The following TXNDC8 variants were observed in gnomAD, a reference collection of about 807,000 sequenced individuals.
TXNDC8 encodes the protein thioredoxin domain-containing protein 8.
A neutral mutation model predicts 12.9 loss-of-function variants in TXNDC8; 15 were observed. That is an observed-to-expected ratio of 1.16 (90% CI 0.78 to 1.79). The LOEUF (loss-of-function observed/expected upper bound fraction) is 1.79. Ranked by LOEUF, TXNDC8 falls within the 40% of genes most tolerant of loss-of-function variation. The probability of loss-of-function intolerance (pLI) is 0.00; values close to 1 mark genes in which losing one functional copy is unlikely to be tolerated. For synonymous variants in TXNDC8, 40 were observed against 35.4 expected (o/e 1.13, Z -0.46); for missense variants, 128 against 113.2 (o/e 1.13, Z -0.59).
chr9:110,310,183 A>G (rs13302851), intron 3 of TXNDC8, among the ~76,000 whole-genome samples: 8,518 of 145,524 alleles, frequency 0.059, 301 homozygotes, highest in Middle Eastern at 0.091. Context: ...TTCCTAAGTT[A>G]TAGGATCTTT....
chr9:110,333,581 T>TAC (rs989276639), intron 2 of TXNDC8, among the ~76,000 whole-genome samples: 3 of 151,096 alleles, frequency 2.0e-5, no homozygotes, highest in Admixed American at 6.6e-5. Flanking sequence ...TTATCACACA[T>TAC]ACACACACAC....
chr9:110,330,112 C>T (rs758522186), intron 2 of TXNDC8, among the ~76,000 whole-genome samples: 87 of 152,326 alleles, frequency 5.7e-4, no homozygotes, highest in Admixed American at 4.5e-3. Context: ...CAGCTGTGTT[C>T]ATACCTTAAG....
chr9:110,318,665 G>A (rs578188036), intron 3 of TXNDC8, among the ~76,000 whole-genome samples: 43 of 152,184 alleles, frequency 2.8e-4, no homozygotes, highest in African/African-American at 9.6e-4. Context: ...GTGAAGCCGG[G>A]AGGCGGAGCT....
At chr9:110,308,172 G>A (rs1371282101) in intron 3 of TXNDC8, among the ~76,000 whole-genome samples, 1 of 152,150 alleles carries the variant, frequency 6.6e-6, no homozygotes, top group East Asian at 1.9e-4. Context: ...AATCTCCCAA[G>A]ATTTGGTCAA....
At chr9:110,327,327 T>TATA (rs71885386) in intron 2 of TXNDC8, among the ~76,000 whole-genome samples, 2 of 41,258 alleles carry the variant, frequency 4.8e-5, no homozygotes, top group East Asian at 1.1e-3. Context: ...ATACTATATA[T>TATA]TTTTTTTTTT....
chr9:110,304,197 A>G (rs1290737668), intron 4 of TXNDC8, among the ~76,000 whole-genome samples: 2 of 152,238 alleles, frequency 1.3e-5, no homozygotes, highest in Non-Finnish European at 2.9e-5. Flanking sequence ...GTTGAAGACA[A>G]GGAAGAGTGT....
chr9:110,305,730 CTGTT>C (rs10583405), intron 3 of TXNDC8, among the ~76,000 whole-genome samples: 23,803 of 129,740 alleles, frequency 0.18, 2,980 homozygotes, highest in East Asian at 0.44. Flanking sequence ...TCTTTCTTTC[CTGTT>C]TCTTTCTTCC....
intron 2 of TXNDC8, among the ~76,000 whole-genome samples, chr9:110,330,270 C>A (rs1019571250): frequency 6.6e-6 from 1 of 152,100 alleles, no homozygotes; most frequent in Non-Finnish European, 1.5e-5. Flanking sequence ...TTTGGAAAAA[C>A]CTATCATTAC....
chr9:110,336,037 G>T (rs949504769), intron 1 of TXNDC8, among the ~76,000 whole-genome samples: 2 of 152,122 alleles, frequency 1.3e-5, no homozygotes, highest in Non-Finnish European at 2.9e-5. Flanking sequence ...AATATCTGAC[G>T]GTTTTATAAA....
At chr9:110,329,349 C>A in intron 2 of TXNDC8, 58 bp from the exon 3 acceptor site, 1 of 1,349,038 alleles carries the variant, frequency 7.4e-7, no homozygotes, top group Non-Finnish European at 1.0e-6. Flanking sequence ...AAAATACACA[C>A]TGGAAGTGTC....
chr9:110,333,475 G>T (rs1326307671), intron 2 of TXNDC8, among the ~76,000 whole-genome samples: 2 of 152,132 alleles, frequency 1.3e-5, no homozygotes, highest in Non-Finnish European at 2.9e-5. Context: ...GTGTCAAAAA[G>T]GTTGGGGACC....
At chr9:110,308,837 T>C (rs1838555562) in intron 3 of TXNDC8, among the ~76,000 whole-genome samples, 1 of 152,210 alleles carries the variant, frequency 6.6e-6, no homozygotes, top group South Asian at 2.1e-4. Context: ...TCTGTTTTCT[T>C]TGTGGAGTTT....
At chr9:110,318,637 C>G (rs1384897682) in intron 3 of TXNDC8, among the ~76,000 whole-genome samples, 5 of 152,102 alleles carry the variant, frequency 3.3e-5, no homozygotes, top group African/African-American at 1.2e-4. Context: ...ACTTGGGAGG[C>G]TGAGGCAGGA....
intron 3 of TXNDC8, among the ~76,000 whole-genome samples, chr9:110,311,693 TATAC>T (rs1325656150): frequency 7.2e-6 from 1 of 139,214 alleles, no homozygotes; most frequent in African/African-American, 2.6e-5. Flanking sequence ...TATATATATA[TATAC>T]ATGGATATAC....
At chr9:110,316,528 A>G (rs998609681) in intron 3 of TXNDC8, among the ~76,000 whole-genome samples, 1 of 152,202 alleles carries the variant, frequency 6.6e-6, no homozygotes, top group Non-Finnish European at 1.5e-5. Context: ...GGGCTTGATT[A>G]AAGTTTTTGG....
rs1839199075 is a variant in TXNDC8 at position 110,323,751 on chromosome 9, C to A, written c.195+2424G>T. ...CAGTCAATGCCATTAGTACTCTTGG[C>A]TTGACTCTGTTTTCTTCTGTGTGGT... On this transcript the variant is annotated intron_variant, in intron 3 of 4. Coordinates refer to ENST00000423740, the MANE Select transcript of TXNDC8 (RefSeq NM_001286946.2). 1.3e-5 allele frequency: 17 copies of A among 1,259,360 alleles called. No individual in the cohort carries two copies. The South Asian group carries it at 2.3e-4, about 17-fold the overall frequency. The allele number at this position is 1,259,360 out of a possible 1,614,324, so 78.0% of individuals were successfully genotyped here.
intron 2 of TXNDC8, among the ~76,000 whole-genome samples, chr9:110,333,542 A>G (rs1264373919): frequency 6.6e-6 from 1 of 152,198 alleles, no homozygotes; most frequent in Non-Finnish European, 1.5e-5. Context: ...ACACTTAAAA[A>G]TTTAGTGTAG....
At chr9:110,306,394 C>T (rs1838469046) in intron 3 of TXNDC8, among the ~76,000 whole-genome samples, 1 of 152,220 alleles carries the variant, frequency 6.6e-6, no homozygotes, top group Non-Finnish European at 1.5e-5. Context: ...TCTTGTGCCA[C>T]TTAGGTCCTT....
In TXNDC8 at chr9:110,304,531, A is replaced by T; in HGVS notation, c.197T>A (p.Val66Glu). 1 of 1,606,166 alleles carries T rather than the reference A, an allele frequency of 6.2e-7. No individual in the cohort carries two copies. Among genetic ancestry groups the T allele is most frequent in the Non-Finnish European group, 8.5e-7 (1 of 1,175,030 alleles). Residue 66 changes from valine to glutamate, a missense_variant and splice_region_variant, in exon 4 of 5, where the codon GTA becomes GAA. Coordinates refer to ENST00000423740, the MANE Select transcript of TXNDC8 (RefSeq NM_001286946.2). ...TCTTTTGATTCTTGAGAATAGGGTT[A>T]CCTAAGTGTGGGTGCAGAATTTCAT...
Sources: gnomAD v4.1 joint callset for allele counts (sites outside exome capture counted in the v4.1 genomes callset) on GRCh38, gnomAD v4.1.1 for gene constraint, MANE v1.5 for transcripts, NCBI Gene and HGNC (gene_info 2026-07-23, HGNC 2026-07-21) for gene names.